PPP1R21: variants seen among roughly 807,000 people sequenced by gnomAD.
PPP1R21 encodes protein phosphatase 1 regulatory subunit 21.
A neutral mutation model predicts 112.8 loss-of-function variants in PPP1R21; 85 were observed. That is an observed-to-expected ratio of 0.75 (90% CI 0.63 to 0.90). The LOEUF is 0.90. PPP1R21 is among the 40% of genes least tolerant of loss of function. PPP1R21 has a pLI of 0.00. For synonymous variants in PPP1R21, 381 were observed against 322.3 expected (o/e 1.18, Z -1.95); for missense variants, 1,199 against 901.5 (o/e 1.33, Z -4.23).
At chr2:48,495,996 T>G (rs542958506) in intron 16 of PPP1R21, among the ~76,000 whole-genome samples, 1 of 152,370 alleles carries the variant, frequency 6.6e-6, no homozygotes, top group African/African-American at 2.4e-5. Context: ...GGAACTAAAG[T>G]AATATCAACA....
rs1669314179 is a variant in PPP1R21, at chr2:48,486,667, A to G, written c.1355A>G (p.Glu452Gly). 6.2e-7 allele frequency: 1 copy of G among 1,613,254 alleles called. No homozygotes were observed. The highest frequency in any genetic ancestry group is 1.1e-5 in the South Asian group (1 of 91,062). Reference protein sequence around the residue: ...SKHYSQKAAIEHELPTATQKL... With the variant: ...SKHYSQKAAIGHELPTATQKL... The stretch of plus-strand genomic sequence containing the variant: ...CATTATAGTCAAAAAGCTGCAATAG[A>G]GCATGAACTTCCAACAGCAACACAG... Residue 452 changes from glutamate to glycine, a missense_variant, in exon 14 of 22, where the codon GAG becomes GGG. Transcript: ENST00000294952.
intron 12 of PPP1R21, among the ~76,000 whole-genome samples, chr2:48,477,239 C>T: frequency 6.6e-6 from 1 of 151,510 alleles, no homozygotes; most frequent in East Asian, 1.9e-4. Context: ...CTGCTTCAGC[C>T]TCCCGAGTAG....
In PPP1R21 at chr2:48,459,809, T is replaced by C; in HGVS notation, c.431T>C (p.Leu144Pro). ...KHVEAELRSR[L>P]ATLETEAAQH... ...GTGGAAGCAGAGCTGAGGAGTCGAC[T>C]GGCCACTCTGGAGACAGAAGCAGCC... Residue 144 changes from leucine (L) to proline (P), a missense_variant, in exon 5 of 22, where the codon CTG becomes CCG. Leu to Pro is a moderately conservative substitution (Grantham distance 98, BLOSUM62 -3). Coordinates refer to ENST00000294952, the MANE Select transcript of PPP1R21 (RefSeq NM_001135629.3). 6.2e-7 allele frequency: 1 copy of C among 1,614,108 alleles called. No individual in the cohort carries two copies. Among genetic ancestry groups the C allele is most frequent in the Non-Finnish European group, 8.5e-7 (1 of 1,180,032 alleles).
intron 11 of PPP1R21, among the ~76,000 whole-genome samples, chr2:48,471,644 A>T (rs1462540685): frequency 6.6e-6 from 1 of 152,238 alleles, no homozygotes; most frequent in Admixed American, 6.5e-5. Context: ...ATGGGTGTTC[A>T]TAATAGTTTC....
Position 48,498,623 on chromosome 2 carries a change from G to C in PPP1R21, c.1823G>C (p.Gly608Ala). 1 of 1,614,212 alleles carries C rather than the reference G, an allele frequency of 6.2e-7. No homozygotes were observed. Among genetic ancestry groups the C allele is most frequent in the Non-Finnish European group, 8.5e-7 (1 of 1,180,042 alleles). Reference protein sequence around the residue: ...QRIADKLKNTGSAQLVGLAQE... With the variant: ...QRIADKLKNTASAQLVGLAQE... The stretch of plus-strand genomic sequence containing the variant: ...ATTGCAGATAAGCTGAAGAATACAG[G>C]TAGTGCCCAGCTGGTTGGGCTGGCC... Residue 608 changes from glycine to alanine, a missense_variant, in exon 17 of 22, where the codon GGT becomes GCT. Coordinates refer to ENST00000294952, the MANE Select transcript of PPP1R21 (RefSeq NM_001135629.3).
intron 12 of PPP1R21, among the ~76,000 whole-genome samples, chr2:48,477,202 A>G (rs1480333164): frequency 1.3e-5 from 2 of 149,580 alleles, no homozygotes; most frequent in African/African-American, 4.9e-5. Flanking sequence ...GCTCGCTGCA[A>G]ACTGCCTCCC....
At chr2:48,486,880 G>C (rs1669325728) in intron 14 of PPP1R21, 122 bp downstream of exon 14, 6 of 1,082,872 alleles carry the variant, frequency 5.5e-6, no homozygotes, top group Non-Finnish European at 7.9e-6. Flanking sequence ...GTAAAATAAA[G>C]TTGTCTCTCT....
At chr2:48,458,888 C>A (rs902618597) in intron 4 of PPP1R21, among the ~76,000 whole-genome samples, 1 of 151,894 alleles carries the variant, frequency 6.6e-6, no homozygotes, top group Admixed American at 6.6e-5. Flanking sequence ...GTCAGGAGAT[C>A]GAGACCATCC....
At chr2:48,485,351 A>G (rs1038385823) in intron 13 of PPP1R21, among the ~76,000 whole-genome samples, 9 of 152,064 alleles carry the variant, frequency 5.9e-5, no homozygotes, top group Non-Finnish European at 5.9e-5. Context: ...TTGAATTTTT[A>G]TACACTTGGA....
intron 21 of PPP1R21, 67 bp downstream of exon 21, chr2:48,511,535 T>G (rs191407913): frequency 7.8e-5 from 122 of 1,571,244 alleles, no homozygotes; most frequent in Middle Eastern, 1.7e-4. Flanking sequence ...TTTATTGTTA[T>G]GCATTTCAGG....
At chr2:48,464,853 C>T (rs1183487548) in intron 7 of PPP1R21, 84 bp from the exon 8 acceptor site, 2 of 994,486 alleles carry the variant, frequency 2.0e-6, no homozygotes, top group East Asian at 2.7e-5. Flanking sequence ...GATTTTGCTT[C>T]AGAGCATTCA....
rs766140116 is a variant in PPP1R21, at chr2:48,507,235, C to G, written c.1969-34C>G. On this transcript the variant is annotated intron_variant, in intron 18 of 21. Coordinates refer to ENST00000294952, the MANE Select transcript of PPP1R21 (RefSeq NM_001135629.3). ...CTAGAAATGCTTCATCTCACTGGTA[C>G]TTGTTTATTTATGTGTATTTGTGTT... 4 of 1,283,534 alleles carry G rather than the reference C, an allele frequency of 3.1e-6. No homozygotes were observed. In the Admixed American group the frequency reaches 9.6e-5, roughly 31 times the overall value. The allele number at this position is 1,283,534 out of a possible 1,614,324, so 79.5% of individuals were successfully genotyped here.
chr2:48,484,091 C>T (rs1369882763), intron 13 of PPP1R21, among the ~76,000 whole-genome samples: 1 of 152,178 alleles, frequency 6.6e-6, no homozygotes, highest in Non-Finnish European at 1.5e-5. Context: ...CCTGTAGCCA[C>T]CCACACATTC....
At position 48,458,225 on chromosome 2, in the gene PPP1R21, C is replaced by T. The variant is rs776659781; in HGVS notation, c.373C>T (p.Gln125Ter). Residue 125 changes from glutamine (Q) to a stop codon, truncating the protein, a stop_gained and splice_region_variant, in exon 4 of 22, where the codon CAA becomes TAA. Transcript: ENST00000294952. LOFTEE classifies it high-confidence loss of function. ...KIEENERLHI[Q>*]FFEADEQHKH... is the part of the protein sequence containing the mutation. ...AGAAGAGAATGAACGGTTGCATATA[C>T]AAGTGAGAAAATCTGTTTTTCTATG... The T allele has an allele frequency of 6.2e-7, 1 of 1,600,294 alleles. No individual in the cohort carries two copies. The highest frequency in any genetic ancestry group is 1.1e-5 in the South Asian group (1 of 90,616).
At chr2:48,480,273 C>T (rs1396322482) in intron 13 of PPP1R21, among the ~76,000 whole-genome samples, 2 of 152,174 alleles carry the variant, frequency 1.3e-5, no homozygotes, top group African/African-American at 2.4e-5. Flanking sequence ...ATACGTTACA[C>T]TGACTTTAGG....
chr2:48,488,645 T>G (rs191727191), intron 14 of PPP1R21, among the ~76,000 whole-genome samples: 21 of 152,320 alleles, frequency 1.4e-4, no homozygotes, highest in Admixed American at 1.2e-3. Flanking sequence ...ATAGTTTATT[T>G]TAGCTTTACT....
intron 19 of PPP1R21, among the ~76,000 whole-genome samples, chr2:48,507,749 CTTTTTTTTTTTTTTTTTTTTTTTT>C (rs34546075): frequency 2.4e-5 from 1 of 42,392 alleles, no homozygotes; most frequent in Admixed American, 4.4e-4. Flanking sequence ...GAGGCTCTGC[CTTTTTTTTTTTTTTTTTTTTTTTT>C]TTTTTTTTTT....
chr2:48,514,073 C>CTTTTTTTTTTTTTTTTTTTTTTTTT, intron 21 of PPP1R21, among the ~76,000 whole-genome samples: 1 of 89,902 alleles, frequency 1.1e-5, no homozygotes, highest in Non-Finnish European at 2.2e-5. Context: ...GAGACATGTT[C>CTTTTTTTTTTTTTTTTTTTTTTTTT]TTTTTTTTTT....
At chr2:48,447,505 C>T (rs1435058061) in intron 1 of PPP1R21, among the ~76,000 whole-genome samples, 2 of 152,140 alleles carry the variant, frequency 1.3e-5, no homozygotes, top group Non-Finnish European at 2.9e-5. Context: ...AGTTGTTTCT[C>T]AGTTATGTCA....
Sources: gnomAD v4.1 joint callset for allele counts (sites outside exome capture counted in the v4.1 genomes callset) on GRCh38, gnomAD v4.1.1 for gene constraint, MANE v1.5 for transcripts, NCBI Gene and HGNC (gene_info 2026-07-23, HGNC 2026-07-21) for gene names.